The following ZNF385D variants were observed in gnomAD, a reference collection of about 807,000 sequenced individuals.
ZNF385D encodes zinc finger protein 659.
A neutral mutation model predicts 35.8 loss-of-function variants in ZNF385D; 15 were observed. The ratio of observed to expected loss-of-function variants is 0.42; its 90% CI spans 0.28 to 0.64. ZNF385D has a LOEUF of 0.64. ZNF385D is among the 30% of genes least tolerant of loss of function. The pLI is 0.23. For missense variants in ZNF385D, 474 were observed against 494.6 expected (o/e 0.96, Z 0.39); for synonymous variants, 212 against 186.8 (o/e 1.13, Z -1.10).
chr3:21,663,717 T>G lies in ZNF385D; in HGVS notation c.165+1169A>C, dbSNP rs143481503. On this transcript the variant is annotated intron_variant, in intron 2 of 7. Transcript: ENST00000281523. ...TTCAAAACGAGATTCGTATGGAAAA[T>G]TCCTCTCCCTACAAAAAGCAAAGGG... Among the ~76,000 whole-genome samples the G allele has an allele frequency of 3.0e-4, 45 of 151,324 alleles. 1 individual carries two copies. The highest frequency in any genetic ancestry group is 2.2e-3 in the Admixed American group (34 of 15,204).
At chr3:22,279,469 C>T (rs1347916123) in intron 2 of ZNF385D, among the ~76,000 whole-genome samples, 1 of 145,390 alleles carries the variant, frequency 6.9e-6, no homozygotes, top group Non-Finnish European at 1.5e-5. Flanking sequence ...TAGTATTCCA[C>T]AGTATATATA....
chr3:22,156,604 C>T lies in ZNF385D; in HGVS notation c.325+12213G>A, dbSNP rs374979050. Among the ~76,000 whole-genome samples the T allele has an allele frequency of 2.5e-4, 38 of 152,098 alleles. 1 individual carries two copies. The highest frequency in any genetic ancestry group is 4.6e-4 in the Non-Finnish European group (31 of 67,998). On this transcript the variant is annotated intron_variant, in intron 3 of 5. Coordinates refer to the ZNF385D transcript ENST00000494108. ...GCTGGCAATTAGTTTTCCCCCAGTA[C>T]ATGTTAGAATACAAACAGATGGTCA... is the stretch of plus-strand genomic sequence containing the variant.
intron 3 of ZNF385D, among the ~76,000 whole-genome samples, chr3:21,819,142 A>T (rs557564558): frequency 9.2e-5 from 14 of 152,012 alleles, no homozygotes; most frequent in Non-Finnish European, 1.9e-4. Context: ...ATCACTAAAA[A>T]TAGTCATGAA....
intron 3 of ZNF385D, among the ~76,000 whole-genome samples, chr3:22,010,350 T>C (rs1344074098): frequency 6.6e-6 from 1 of 152,212 alleles, no homozygotes; most frequent in Non-Finnish European, 1.5e-5. Flanking sequence ...AAGTGTTCTA[T>C]ACACATAATT....
rs567492000 is a variant in ZNF385D, at chr3:22,031,230, G to A, written c.325+137587C>T. Among the ~76,000 whole-genome samples, 227 of 152,280 alleles carry A rather than the reference G, an allele frequency of 1.5e-3. 1 individual carries two copies. Among genetic ancestry groups the A allele is most frequent in the African/African-American group, 4.7e-3 (194 of 41,562 alleles). ...TGAAGAATGGTAGCCCTTTTCTCACGGCTCTTCTAGGCAGTGCCCCAGTAG... is the reference window on the plus strand; with the variant it reads ...TGAAGAATGGTAGCCCTTTTCTCACAGCTCTTCTAGGCAGTGCCCCAGTAG... On this transcript the variant is annotated intron_variant, in intron 3 of 5. Coordinates refer to the ZNF385D transcript ENST00000494108.
intron 3 of ZNF385D, among the ~76,000 whole-genome samples, chr3:21,837,138 T>A (rs891850057): frequency 6.6e-6 from 1 of 152,162 alleles, no homozygotes; most frequent in Non-Finnish European, 1.5e-5. Flanking sequence ...AAATTTTTTT[T>A]ATATGTCATT....
chr3:21,746,912 G>A (rs2069797746), intron 1 of ZNF385D, among the ~76,000 whole-genome samples: 1 of 152,178 alleles, frequency 6.6e-6, no homozygotes, highest in Non-Finnish European at 1.5e-5. Flanking sequence ...AACCAAAAGT[G>A]TAAGTGCTGA....
At chr3:21,802,372 T>C (rs1184762356) in intron 3 of ZNF385D, among the ~76,000 whole-genome samples, 1 of 152,186 alleles carries the variant, frequency 6.6e-6, no homozygotes, top group Non-Finnish European at 1.5e-5. Flanking sequence ...GGATTTTTCA[T>C]TGTTTCCAGA....
chr3:21,490,301 G>A (rs1705334162), intron 4 of ZNF385D, among the ~76,000 whole-genome samples: 1 of 152,032 alleles, frequency 6.6e-6, no homozygotes, highest in African/African-American at 2.4e-5. Flanking sequence ...GAGTAGTTGG[G>A]GCAACAGGTG....
intron 1 of ZNF385D, among the ~76,000 whole-genome samples, chr3:21,717,006 G>T (rs547585311): frequency 6.6e-6 from 1 of 152,014 alleles, no homozygotes; most frequent in South Asian, 2.1e-4. Flanking sequence ...GGTGATGTGC[G>T]CCTGTAGTCC....
At chr3:22,335,179 T>C (rs9880225) in intron 2 of ZNF385D, among the ~76,000 whole-genome samples, 29,816 of 152,074 alleles carry the variant, frequency 0.2, 3,391 homozygotes, top group Non-Finnish European at 0.27. Flanking sequence ...GATGCTGTTA[T>C]AAGTTCGGCT....
At chr3:21,638,770 A>G (rs1231544747) in intron 2 of ZNF385D, among the ~76,000 whole-genome samples, 1 of 152,106 alleles carries the variant, frequency 6.6e-6, no homozygotes, top group Admixed American at 6.6e-5. Flanking sequence ...TTAAGCCTTT[A>G]TCTACATCTT....
chr3:21,918,408 T>C lies in ZNF385D; in HGVS notation c.325+250409A>G, dbSNP rs749545090. ...GTTATTTGGATTTTCTATCTGAAAA[T>C]AGAGCAAGTAAAAGTAGGGACTTTT... On this transcript the variant is annotated intron_variant, in intron 3 of 5. Coordinates refer to the ZNF385D transcript ENST00000494108. Among the ~76,000 whole-genome samples, 25 of 151,990 alleles carry C rather than the reference T, an allele frequency of 1.6e-4. 1 individual carries two copies. Among genetic ancestry groups the C allele is most frequent in the Admixed American group, 6.6e-5 (1 of 15,264 alleles).
At chr3:21,473,496 T>C (rs1267921141) in intron 4 of ZNF385D, among the ~76,000 whole-genome samples, 1 of 152,106 alleles carries the variant, frequency 6.6e-6, no homozygotes, top group African/African-American at 2.4e-5. Flanking sequence ...TGTTTTCTAG[T>C]TGTAGGGTGT....
In ZNF385D at chr3:21,443,276, C is replaced by G. The variant is rs548019792; in HGVS notation, c.440-6073G>C. 4.9e-5 allele frequency: 48 copies of G among 985,374 alleles called. No individual in the cohort carries two copies. The South Asian group carries it at 1.4e-3, about 28-fold the overall frequency. The allele number at this position is 985,374 out of a possible 1,614,324, so 61.0% of individuals were successfully genotyped here. On this transcript the variant is annotated intron_variant, in intron 4 of 7. Transcript: ENST00000281523. ...TTCACTACCAGGCTCAAGGATGATT[C>G]AGGTGAGGGGATTCTTTATTCTCCA...
upstream of ZNF385D, among the ~76,000 whole-genome samples, chr3:21,754,033 G>A (rs983973944): frequency 1.3e-5 from 2 of 152,022 alleles, no homozygotes; most frequent in African/African-American, 4.8e-5. Context: ...TCTTTTAAAA[G>A]GTTGAATAGT....
intron 2 of ZNF385D, among the ~76,000 whole-genome samples, chr3:22,238,237 C>A (rs1425009634): frequency 6.6e-6 from 1 of 151,046 alleles, no homozygotes; most frequent in African/African-American, 2.4e-5. Context: ...TTGGAAAGTG[C>A]AAGTCTTCCA....
chr3:21,932,166 CAAAAAAAAAAAAAAA>C (rs543138588), intron 3 of ZNF385D, among the ~76,000 whole-genome samples: 3 of 55,338 alleles, frequency 5.4e-5, no homozygotes, highest in African/African-American at 2.4e-4. Flanking sequence ...GACTCATTCT[CAAAAAAAAAAAAAAA>C]AAAAAAAAAA....
chr3:21,589,001 CAAA>C (rs1486252683), intron 2 of ZNF385D, among the ~76,000 whole-genome samples: 1 of 152,006 alleles, frequency 6.6e-6, no homozygotes, highest in African/African-American at 2.4e-5. Context: ...ATAAAACCAA[CAAA>C]AATCATTTTC....
Sources: gnomAD v4.1 joint callset for allele counts (sites outside exome capture counted in the v4.1 genomes callset) on GRCh38, gnomAD v4.1.1 for gene constraint, MANE v1.5 for transcripts, NCBI Gene and HGNC (gene_info 2026-07-23, HGNC 2026-07-21) for gene names.